Variants in SERINC5 observed in about 807,000 individuals in gnomAD.
SERINC5 encodes chromosome 5 open reading frame 12.
In SERINC5, 41 loss-of-function variants were observed where a neutral mutation model predicts 63.1. The ratio of observed to expected loss-of-function variants is 0.65; its 90% CI spans 0.51 to 0.84. The LOEUF (loss-of-function observed/expected upper bound fraction) is 0.84. Among genes scored for constraint, SERINC5 ranks in the 40% least tolerant of loss-of-function variants. The pLI is 0.00. For synonymous variants in SERINC5, 222 were observed against 215.2 expected (o/e 1.03, Z -0.28); for missense variants, 523 against 573.0 (o/e 0.91, Z 0.89).
At chr5:80,122,197 G>GTGTATATATATATA (rs1554057294) in intron 11 of SERINC5, among the ~76,000 whole-genome samples, 1 of 116,732 alleles carries the variant, frequency 8.6e-6, no homozygotes, top group Admixed American at 8.0e-5. Context: ...AGAACTAATA[G>GTGTATATATATATA]TATATATATA....
In SERINC5 at chr5:80,140,732, C is replaced by T. The variant is rs370914185; in HGVS notation, c.*2931G>A. On this transcript the variant is annotated 3_prime_UTR_variant, in exon 12 of 12. Transcript: ENST00000507668. ...ACACTCCCATAAGAACCCCCACCCC[C>T]CTGCCACCCACTTAGTGTTTTTACT... 2.0e-6 allele frequency: 2 copies of T among 985,310 alleles called. No individual in the cohort carries two copies. Among genetic ancestry groups the T allele is most frequent in the Middle Eastern group, 5.2e-4 (1 of 1,914 alleles). 61.0% of individuals were successfully genotyped at this position (985,310 alleles called of 1,614,324 possible). A position where few individuals can be genotyped will look rare whatever the true frequency, so the allele number is the denominator to read the frequency against.
chr5:80,180,454 T>C (rs1748345462), intron 2 of SERINC5, among the ~76,000 whole-genome samples: 1 of 152,242 alleles, frequency 6.6e-6, no homozygotes, highest in Admixed American at 6.5e-5. Flanking sequence ...ATAATATCTG[T>C]GGCTATCACG....
intron 2 of SERINC5, among the ~76,000 whole-genome samples, chr5:80,197,892 T>C (rs1749608722): frequency 6.6e-6 from 1 of 152,104 alleles, no homozygotes; most frequent in Admixed American, 6.5e-5. Context: ...CAGGCTGGAG[T>C]GCAGTGCCGG....
intron 1 of SERINC5, among the ~76,000 whole-genome samples, chr5:80,220,275 C>T (rs772364517): frequency 4.6e-5 from 7 of 151,544 alleles, no homozygotes; most frequent in South Asian, 2.1e-4. Context: ...ATATTGGCAG[C>T]GGTGTTCCCT....
intron 1 of SERINC5, among the ~76,000 whole-genome samples, chr5:80,233,035 T>C (rs996884137): frequency 5.3e-5 from 8 of 152,144 alleles, no homozygotes; most frequent in African/African-American, 1.7e-4. Context: ...GTCATGATGG[T>C]TCCACAACTC....
At chr5:80,172,327 A>G (rs898236201) in intron 5 of SERINC5, among the ~76,000 whole-genome samples, 7 of 152,192 alleles carry the variant, frequency 4.6e-5, no homozygotes, top group Non-Finnish European at 1.0e-4. Flanking sequence ...TCTCACACAA[A>G]AAGGGAAATT....
At chr5:80,186,132 A>G (rs1748785675) in intron 2 of SERINC5, among the ~76,000 whole-genome samples, 2 of 127,996 alleles carry the variant, frequency 1.6e-5, no homozygotes, top group African/African-American at 4.2e-5. Context: ...TTTTGAAAAA[A>G]AAAAAAAAAA....
chr5:80,143,144 C>T lies in SERINC5; in HGVS notation c.*519G>A. ...GAGGGTGCAGTTGAAAAGCAGGTGC[C>T]TCCTCTTGGACCCTATAAATACCAG... On this transcript the variant is annotated 3_prime_UTR_variant, in exon 12 of 12. Transcript: ENST00000507668. 1 of 985,604 alleles carries T rather than the reference C, an allele frequency of 1.0e-6. No homozygotes were observed. Among genetic ancestry groups the T allele is most frequent in the African/African-American group, 1.7e-5 (1 of 57,340 alleles). The allele number at this position is 985,604 out of a possible 1,614,324, so 61.1% of individuals were successfully genotyped here.
intron 1 of SERINC5, chr5:80,255,003 A>T (rs1329382997): frequency 6.6e-6 from 1 of 152,046 alleles, no homozygotes; most frequent in Non-Finnish European, 1.5e-5. Context: ...TCGTGAAAAC[A>T]CTCCATTAAA....
At position 80,188,857 on chromosome 5, in the gene SERINC5, G is replaced by A. The variant is rs1038035033; in HGVS notation, c.196-10793C>T. Among the ~76,000 whole-genome samples the A allele has an allele frequency of 6.3e-4, 96 of 152,252 alleles. 1 individual carries two copies. Among genetic ancestry groups the A allele is most frequent in the African/African-American group, 2.2e-3 (91 of 41,556 alleles). On this transcript the variant is annotated intron_variant, in intron 2 of 11. Coordinates refer to ENST00000507668, the MANE Select transcript of SERINC5 (RefSeq NM_001174072.3). ...GTGGGAGGATCACTTCAGCCCAGAA[G>A]GTTGAGGCTGCAGTGAGCCATGATC... is the stretch of plus-strand genomic sequence containing the variant.
downstream of SERINC5, among the ~76,000 whole-genome samples, chr5:80,137,965 C>A (rs1443036925): frequency 6.6e-6 from 1 of 151,600 alleles, no homozygotes; most frequent in African/African-American, 2.4e-5. Flanking sequence ...TATATATACA[C>A]AATAAAAAAT....
At chr5:80,200,440 C>G (rs1388629739) in intron 2 of SERINC5, among the ~76,000 whole-genome samples, 2 of 151,194 alleles carry the variant, frequency 1.3e-5, no homozygotes, top group Non-Finnish European at 2.9e-5. Flanking sequence ...GAGCCGAGAT[C>G]GCACCACTGC....
At chr5:80,255,607 A>C (rs1752630192) in intron 1 of SERINC5, among the ~76,000 whole-genome samples, 1 of 152,234 alleles carries the variant, frequency 6.6e-6, no homozygotes, top group Admixed American at 6.5e-5. Flanking sequence ...CCCCTGGAGC[A>C]GTCGGGATCC....
intron 1 of SERINC5, among the ~76,000 whole-genome samples, chr5:80,210,122 T>C (rs533114145): frequency 6.6e-5 from 10 of 152,300 alleles, no homozygotes; most frequent in Admixed American, 5.9e-4. Context: ...AAATGTGGTA[T>C]TGCTGTATGT....
chr5:80,224,144 A>AAG (rs929087779), intron 1 of SERINC5, among the ~76,000 whole-genome samples: 11 of 149,970 alleles, frequency 7.3e-5, no homozygotes, highest in African/African-American at 2.2e-4. Context: ...AAAAAAAAAA[A>AAG]AAAAAGAAAA....
intron 2 of SERINC5, among the ~76,000 whole-genome samples, chr5:80,185,718 AGTG>A (rs1325935907): frequency 6.6e-6 from 1 of 152,126 alleles, no homozygotes; most frequent in Non-Finnish European, 1.5e-5. Flanking sequence ...CAAGGTGCTC[AGTG>A]GGGGAGCTTT....
At chr5:80,200,440 C>T (rs1388629739) in intron 2 of SERINC5, among the ~76,000 whole-genome samples, 6 of 151,194 alleles carry the variant, frequency 4.0e-5, no homozygotes, top group Admixed American at 6.6e-5. Context: ...GAGCCGAGAT[C>T]GCACCACTGC....
At chr5:80,225,880 G>A (rs760892999) in intron 1 of SERINC5, among the ~76,000 whole-genome samples, 7 of 152,206 alleles carry the variant, frequency 4.6e-5, no homozygotes, top group Non-Finnish European at 1.0e-4. Flanking sequence ...TGCTTCCATC[G>A]AAACACCAAA....
chr5:80,188,650 C>T (rs1016515170), intron 2 of SERINC5, among the ~76,000 whole-genome samples: 4 of 152,234 alleles, frequency 2.6e-5, no homozygotes, highest in Admixed American at 1.3e-4. Flanking sequence ...CTTTGAGAGG[C>T]CAAGGCAGGA....
Sources: allele counts gnomAD v4.1 joint callset (sites outside exome capture counted in the v4.1 genomes callset), GRCh38; gene constraint gnomAD v4.1.1; transcripts MANE v1.5; gene names NCBI Gene and HGNC (gene_info 2026-07-23, HGNC 2026-07-21).